The following FER variants were observed in gnomAD, a reference collection of about 807,000 sequenced individuals.
FER encodes FER tyrosine kinase, also known as tyrosine-protein kinase Fer.
Under a neutral mutation model 111.0 loss-of-function variants are expected in FER, and 63 were observed. That is an observed-to-expected ratio of 0.57 (90% CI 0.46 to 0.70). FER has a LOEUF of 0.70. Ranked by LOEUF, FER falls within the 30% of genes least tolerant of loss-of-function variation. FER has a pLI of 0.00. For missense variants in FER, 914 were observed against 954.0 expected (o/e 0.96, Z 0.55); for synonymous variants, 327 against 313.9 (o/e 1.04, Z -0.44).
rs530947706 is a variant in FER at position 109,076,112 on chromosome 5, G to A, written c.1925-24284G>A. On this transcript the variant is annotated intron_variant, in intron 16 of 19. Coordinates refer to ENST00000281092, the MANE Select transcript of FER (RefSeq NM_005246.4). ...CCACCTACATTTTTATATTAATTAT[G>A]TGTAGCATTTTTATGGCTATTCTTT... 6.6e-5 allele frequency among the ~76,000 whole-genome samples: 10 copies of A among 151,994 alleles called. No individual in the cohort carries two copies. In the South Asian group the frequency reaches 1.9e-3, roughly 28 times the overall value.
At chr5:108,922,849 CTT>C (rs1281866287) in intron 10 of FER, among the ~76,000 whole-genome samples, 3 of 152,010 alleles carry the variant, frequency 2.0e-5, no homozygotes, top group African/African-American at 4.8e-5. Flanking sequence ...TTTGGAGACT[CTT>C]TTTTGGCAAA....
chr5:108,792,106 C>T (rs1755444151), intron 2 of FER, among the ~76,000 whole-genome samples: 1 of 152,156 alleles, frequency 6.6e-6, no homozygotes, highest in African/African-American at 2.4e-5. Flanking sequence ...GTTTTGAAAT[C>T]AGAAAGTGTG....
intron 16 of FER, among the ~76,000 whole-genome samples, chr5:109,055,187 A>C (rs1773458962): frequency 6.6e-6 from 1 of 152,210 alleles, no homozygotes; most frequent in Non-Finnish European, 1.5e-5. Flanking sequence ...AGACCTAAAT[A>C]TAAAACCAGA....
chr5:108,978,891 A>C (rs777733729), intron 13 of FER, among the ~76,000 whole-genome samples: 1 of 152,216 alleles, frequency 6.6e-6, no homozygotes, highest in Non-Finnish European at 1.5e-5. Context: ...AGAGCCAATG[A>C]AACTAAAAAA....
At chr5:108,812,646 C>T (rs115126585) in intron 3 of FER, among the ~76,000 whole-genome samples, 1 of 151,762 alleles carries the variant, frequency 6.6e-6, no homozygotes, top group Non-Finnish European at 1.5e-5. Context: ...TCTTATATTC[C>T]TTTCTCCTGT....
In FER at chr5:109,019,686, T is replaced by C. The variant is rs145080701; in HGVS notation, c.1657-17736T>C. On this transcript the variant is annotated intron_variant, in intron 13 of 19. Coordinates refer to ENST00000281092, the MANE Select transcript of FER (RefSeq NM_005246.4). ...ATGCAGGCTAAAGTTTGAAAAACAA[T>C]TGTAATAACTTTATAAAGAGATCTG... Among the ~76,000 whole-genome samples, 1,029 of 151,904 alleles carry C rather than the reference T, an allele frequency of 6.8e-3. 14 individuals carry two copies. The highest frequency in any genetic ancestry group is 0.023 in the African/African-American group (958 of 41,506).
In FER at chr5:108,748,634, G is replaced by C. The variant is rs567608666; in HGVS notation, c.-206+634G>C. ...AGACCTCGGGACTCCACCCGGGCTG[G>C]TGAGCGAGCCCAGAAAGCGGCGACC... On this transcript the variant is annotated intron_variant, in intron 1 of 19. Coordinates refer to ENST00000281092, the MANE Select transcript of FER (RefSeq NM_005246.4). 3 of 152,462 alleles carry C rather than the reference G, an allele frequency of 2.0e-5. No homozygotes were observed. The East Asian group carries it at 5.8e-4, about 29-fold the overall frequency. 9.4% of individuals were successfully genotyped at this position (152,462 alleles called of 1,614,324 possible).
In FER at chr5:108,883,430, C is replaced by A; in HGVS notation, c.958C>A (p.Gln320Lys). 2 of 1,608,808 alleles carry A rather than the reference C, an allele frequency of 1.2e-6. No individual in the cohort carries two copies. The highest frequency in any genetic ancestry group is 2.2e-5 in the South Asian group (2 of 90,574). Residue 320 changes from glutamine to lysine, a missense_variant, in exon 9 of 20, where the codon CAG (glutamine) becomes AAG (lysine). Physicochemically the swap from Gln to Lys is moderately conservative, Grantham distance 53 (BLOSUM62 1). Coordinates refer to ENST00000281092, the MANE Select transcript of FER (RefSeq NM_005246.4). ...GTTAGCGGAAGAACTTATGCAAACA[C>A]AGCAGATGCTTTTAAACAAGGAGGA... Reference protein sequence around the residue: ...KTLAEELMQTQQMLLNKEEAV... With the variant: ...KTLAEELMQTKQMLLNKEEAV...
chr5:108,759,721 A>C (rs1363771216), intron 1 of FER, among the ~76,000 whole-genome samples: 1 of 152,224 alleles, frequency 6.6e-6, no homozygotes, highest in Non-Finnish European at 1.5e-5. Flanking sequence ...GGCAGAAGAG[A>C]AGAGAACACA....
At chr5:108,798,553 T>A (rs934147187) in intron 3 of FER, among the ~76,000 whole-genome samples, 164 bp downstream of exon 3, 5 of 152,158 alleles carry the variant, frequency 3.3e-5, no homozygotes, top group African/African-American at 1.2e-4. Context: ...TTAAAAATTA[T>A]AAATTTTGGA....
intron 3 of FER, among the ~76,000 whole-genome samples, chr5:108,807,822 T>G (rs1465837749): frequency 6.6e-6 from 1 of 152,152 alleles, no homozygotes; most frequent in Non-Finnish European, 1.5e-5. Flanking sequence ...GTTTCTCTAT[T>G]TTCATTTATT....
intron 10 of FER, among the ~76,000 whole-genome samples, chr5:108,916,953 G>A (rs907455503): frequency 3.9e-5 from 6 of 152,010 alleles, no homozygotes; most frequent in Admixed American, 3.3e-4. Context: ...ATTGAACATA[G>A]GATTCTATAT....
At chr5:108,790,548 C>T (rs901270697) in intron 2 of FER, among the ~76,000 whole-genome samples, 2 of 152,126 alleles carry the variant, frequency 1.3e-5, no homozygotes, top group Admixed American at 6.5e-5. Flanking sequence ...ATAAATTCTA[C>T]CATCATTTTC....
chr5:108,834,951 A>T (rs1760457526), intron 4 of FER, among the ~76,000 whole-genome samples: 1 of 152,108 alleles, frequency 6.6e-6, no homozygotes, highest in African/African-American at 2.4e-5. Flanking sequence ...TCTCTTTCTT[A>T]ATCTTCTCAA....
intron 8 of FER, among the ~76,000 whole-genome samples, chr5:108,875,077 G>A (rs1208186341): frequency 6.6e-6 from 1 of 152,062 alleles, no homozygotes; most frequent in African/African-American, 2.4e-5. Context: ...TATGTACCAC[G>A]AAGCATTTTA....
chr5:109,073,760 T>C (rs1776024849), intron 16 of FER, among the ~76,000 whole-genome samples: 1 of 152,024 alleles, frequency 6.6e-6, no homozygotes, highest in Non-Finnish European at 1.5e-5. Flanking sequence ...AGAACCCACT[T>C]ACATGAAAAG....
chr5:108,978,021 AT>A (rs945435581), intron 13 of FER, among the ~76,000 whole-genome samples: 25 of 152,124 alleles, frequency 1.6e-4, no homozygotes, highest in African/African-American at 5.5e-4. Context: ...TAATATTTGT[AT>A]TTTTAGTAGA....
chr5:108,826,190 G>A (rs13180513), intron 3 of FER, among the ~76,000 whole-genome samples: 63,769 of 152,020 alleles, frequency 0.42, 14,896 homozygotes, highest in African/African-American at 0.63. Context: ...ACGATCACAT[G>A]AAGTTATTCA....
intron 13 of FER, among the ~76,000 whole-genome samples, chr5:108,993,617 A>AAGGGCG (rs1330585503): frequency 1.3e-3 from 132 of 105,044 alleles, no homozygotes; most frequent in Non-Finnish European, 1.3e-3. Flanking sequence ...GGGAGAGGGC[A>AAGGGCG]AGGGCGAGGG....
Sources: allele counts gnomAD v4.1 joint callset (sites outside exome capture counted in the v4.1 genomes callset), GRCh38; gene constraint gnomAD v4.1.1; transcripts MANE v1.5; gene names NCBI Gene and HGNC (gene_info 2026-07-23, HGNC 2026-07-21).